The following GRIP1 variants were observed in gnomAD, a reference collection of about 807,000 sequenced individuals.
GRIP1 encodes glutamate receptor interacting protein 1.
In GRIP1, 45 loss-of-function variants were observed where a neutral mutation model predicts 129.9. The observed-to-expected ratio is 0.35, with a 90% CI of 0.27 to 0.44. The LOEUF (loss-of-function observed/expected upper bound fraction) is 0.44, where lower values mean the gene tolerates loss of function less well. GRIP1 is among the 20% of genes least tolerant of loss of function. The pLI is 1.00. For missense variants in GRIP1, 1,196 were observed against 1,396.8 expected, an observed-to-expected ratio of 0.86 and a Z score of 2.29; for synonymous variants, 530 against 520.8, an observed-to-expected ratio of 1.02 and a Z score of -0.24.
chr12:66,572,500 G>A (rs1440983672), intron 2 of GRIP1, among the ~76,000 whole-genome samples: 1 of 152,280 alleles, frequency 6.6e-6, no homozygotes, highest in East Asian at 1.9e-4. Context: ...CATATGGGGT[G>A]TTCTAGTTTC....
rs575942209 is a variant in GRIP1, at chr12:66,633,247, TTATATATAA to T, written c.56-36329_56-36321del. ...TATATATATGAGTATTTTATATGTA[TTATATATAA>T]TATATATAAAAATATATTATATATA... On this transcript the variant is annotated intron_variant, in intron 1 of 24. Coordinates refer to ENST00000359742, the MANE Select transcript of GRIP1 (RefSeq NM_001366722.1). Among the ~76,000 whole-genome samples the T allele has an allele frequency of 2.8e-3, 408 of 147,106 alleles. 3 individuals carry two copies. Among genetic ancestry groups the T allele is most frequent in the African/African-American group, 9.7e-3 (393 of 40,472 alleles).
intron 1 of GRIP1, among the ~76,000 whole-genome samples, chr12:66,984,729 GA>G (rs894368771): frequency 6.6e-6 from 1 of 152,160 alleles, no homozygotes; most frequent in African/African-American, 2.4e-5. Context: ...TTGGCTATTA[GA>G]GTCAAGATAT....
exon 1 of GRIP1, chr12:66,804,107 C>A (rs2038933453): frequency 2.2e-6 from 1 of 455,824 alleles, no homozygotes; most frequent in African/African-American, 2.0e-5. Context: ...TCGTGGTAAT[C>A]CTCTTCTGGT....
chr12:66,743,626 C>T (rs1395430271), intron 1 of GRIP1, among the ~76,000 whole-genome samples: 1 of 151,664 alleles, frequency 6.6e-6, no homozygotes, highest in African/African-American at 2.4e-5. Flanking sequence ...ATGCACTCAA[C>T]CTTTACCAGG....
At chr12:66,908,148 T>A (rs940343217) in intron 1 of GRIP1, among the ~76,000 whole-genome samples, 1 of 152,222 alleles carries the variant, frequency 6.6e-6, no homozygotes, top group Non-Finnish European at 1.5e-5. Flanking sequence ...TCCATTTTTA[T>A]GGCTTCTAAA....
rs2054069712 is a variant in GRIP1 at position 66,348,332 on chromosome 12, G to A, written c.*687C>T. ...TCAGAGATTTTCAGCTATTAAAAAT[G>A]TGTCCTTAAAAAAAAAACAGGTCAC... On this transcript the variant is annotated 3_prime_UTR_variant, in exon 25 of 25. Coordinates refer to ENST00000359742, the MANE Select transcript of GRIP1 (RefSeq NM_001366722.1). 6.6e-6 allele frequency: 1 copy of A among 151,202 alleles called. No homozygotes were observed. Among genetic ancestry groups the A allele is most frequent in the South Asian group, 2.1e-4 (1 of 4,798 alleles). 9.4% of individuals were successfully genotyped at this position (151,202 alleles called of 1,614,324 possible).
chr12:66,514,520 C>A (rs907185653), intron 7 of GRIP1, among the ~76,000 whole-genome samples: 13 of 150,612 alleles, frequency 8.6e-5, no homozygotes, highest in African/African-American at 2.9e-4. Flanking sequence ...AAACATATAA[C>A]AAAAAGAAGA....
intron 1 of GRIP1, among the ~76,000 whole-genome samples, chr12:66,799,941 A>G (rs1358627578): frequency 1.3e-5 from 2 of 152,200 alleles, no homozygotes; most frequent in South Asian, 2.1e-4. Context: ...CAATGACATG[A>G]AAGAAAGTGA....
intron 1 of GRIP1, among the ~76,000 whole-genome samples, chr12:66,839,170 GA>G (rs1249668589): frequency 2.0e-5 from 3 of 151,976 alleles, no homozygotes; most frequent in Non-Finnish European, 2.9e-5. Flanking sequence ...GAGAAAAAAT[GA>G]AAAAACCCTG....
intron 2 of GRIP1, among the ~76,000 whole-genome samples, chr12:66,558,380 TACTC>T (rs2062405724): frequency 1.3e-5 from 2 of 152,152 alleles, no homozygotes; most frequent in South Asian, 2.1e-4. Flanking sequence ...CTGTAAGACT[TACTC>T]ACTACCACAA....
At chr12:66,856,448 G>A (rs980124500) in intron 1 of GRIP1, among the ~76,000 whole-genome samples, 2 of 151,954 alleles carry the variant, frequency 1.3e-5, no homozygotes, top group African/African-American at 4.8e-5. Context: ...CTACAGAATG[G>A]GAGAAAATTT....
At chr12:66,805,367 G>C (rs967654149), upstream of GRIP1, among the ~76,000 whole-genome samples, 2 of 151,514 alleles carry the variant, frequency 1.3e-5, no homozygotes, top group Admixed American at 1.3e-4. Context: ...AGAGAGGTCA[G>C]CATTAATCAT....
intron 1 of GRIP1, among the ~76,000 whole-genome samples, chr12:67,036,882 T>TAAAAATATG (rs1292771958): frequency 6.6e-6 from 1 of 152,092 alleles, no homozygotes; most frequent in Non-Finnish European, 1.5e-5. Context: ...TTCAAAATTA[T>TAAAAATATG]AAAAATATGA....
intron 1 of GRIP1, among the ~76,000 whole-genome samples, chr12:66,853,212 G>T (rs1184276613): frequency 6.6e-6 from 1 of 151,648 alleles, no homozygotes; most frequent in Non-Finnish European, 1.5e-5. Context: ...TCCCTAAGTT[G>T]CATGGAGCTT....
intron 1 of GRIP1, among the ~76,000 whole-genome samples, chr12:66,956,648 C>A (rs2137515894): frequency 6.6e-6 from 1 of 152,176 alleles, no homozygotes; most frequent in African/African-American, 2.4e-5. Context: ...ATGTACATAT[C>A]CCATTTCTCC....
At chr12:66,745,696 G>C (rs2036922889) in intron 1 of GRIP1, among the ~76,000 whole-genome samples, 1 of 152,182 alleles carries the variant, frequency 6.6e-6, no homozygotes, top group Admixed American at 6.5e-5. Flanking sequence ...TGCAGAAGGA[G>C]AGGGATAGGG....
At chr12:67,043,482 A>C (rs1190445809) in intron 1 of GRIP1, among the ~76,000 whole-genome samples, 2 of 152,138 alleles carry the variant, frequency 1.3e-5, no homozygotes, top group East Asian at 3.9e-4. Flanking sequence ...ATACAACCAA[A>C]AGTCTTCAGG....
chr12:67,052,625 T>C (rs1034645429), intron 1 of GRIP1, among the ~76,000 whole-genome samples: 2 of 152,062 alleles, frequency 1.3e-5, no homozygotes, highest in African/African-American at 4.8e-5. Context: ...CCGGGTGTGG[T>C]GGCGGGTGCC....
chr12:66,873,185 T>C (rs1271254545), intron 1 of GRIP1, among the ~76,000 whole-genome samples: 1 of 152,040 alleles, frequency 6.6e-6, no homozygotes, highest in Non-Finnish European at 1.5e-5. Flanking sequence ...CACATTACCA[T>C]TTATGACCCA....
Sources: allele counts gnomAD v4.1 joint callset (sites outside exome capture counted in the v4.1 genomes callset), GRCh38; gene constraint gnomAD v4.1.1; transcripts MANE v1.5; gene names NCBI Gene and HGNC (gene_info 2026-07-23, HGNC 2026-07-21).